ETV7: variants seen among roughly 807,000 people sequenced by gnomAD.
The protein encoded by ETV7 is ETS variant transcription factor 7, also known as transcription factor ETV7.
Under a neutral mutation model 39.1 loss-of-function variants are expected in ETV7, and 43 were observed. That is an observed-to-expected ratio of 1.10 (90% CI 0.86 to 1.42). The LOEUF (loss-of-function observed/expected upper bound fraction) is 1.42, where lower values mean the gene tolerates loss of function less well. Among genes scored for constraint, ETV7 ranks in the 40% most tolerant of loss-of-function variants. The pLI is 0.00. For missense variants in ETV7, 432 were observed against 442.3 expected, an observed-to-expected ratio of 0.98 and a Z score of 0.21; for synonymous variants, 196 against 176.6, an observed-to-expected ratio of 1.11 and a Z score of -0.87.
intron 6 of ETV7, among the ~76,000 whole-genome samples, chr6:36,368,595 G>C (rs774137509): frequency 2.6e-5 from 4 of 152,172 alleles, no homozygotes; most frequent in Non-Finnish European, 4.4e-5. Flanking sequence ...CTGAGACCTG[G>C]GTTTCTGTCC....
intron 3 of ETV7, among the ~76,000 whole-genome samples, chr6:36,374,940 G>C (rs1260360834): frequency 6.6e-6 from 1 of 152,078 alleles, no homozygotes; most frequent in Non-Finnish European, 1.5e-5. Flanking sequence ...GTGGTGGCAG[G>C]CGCCTGTAAT....
intron 1 of ETV7, 39 bp from the exon 2 acceptor site, chr6:36,385,708 CT>C (rs1384108424): frequency 6.4e-7 from 1 of 1,563,932 alleles, no homozygotes; most frequent in Non-Finnish European, 8.6e-7. Context: ...AGAAGAGCAT[CT>C]TGGTGAAGGC....
At chr6:36,362,890 A>C (rs1004594731), downstream of ETV7, among the ~76,000 whole-genome samples, 15 of 152,278 alleles carry the variant, frequency 9.9e-5, no homozygotes, top group African/African-American at 3.6e-4. Context: ...GGCAAACACC[A>C]CTTATAACTG....
intron 1 of ETV7, 107 bp from the exon 2 acceptor site, chr6:36,385,776 C>T: frequency 8.4e-7 from 1 of 1,195,456 alleles, no homozygotes; most frequent in Non-Finnish European, 1.2e-6. Context: ...TGTTTATCTC[C>T]ACCAGAAGAC....
At position 36,368,576 on chromosome 6, in the gene ETV7, C is replaced by T. The variant is rs147192206; in HGVS notation, c.807+353G>A. ...TTTCCAGCCCTGACATCAGATGCTCCTGTTGGGCCTGAGACCTGGGTTTCT... is the reference window on the plus strand; with the variant it reads ...TTTCCAGCCCTGACATCAGATGCTCTTGTTGGGCCTGAGACCTGGGTTTCT... On this transcript the variant is annotated intron_variant, in intron 6 of 7. Transcript: ENST00000340181. Among the ~76,000 whole-genome samples, 6 of 152,318 alleles carry T rather than the reference C, an allele frequency of 3.9e-5. No homozygotes were observed. In the East Asian group the frequency reaches 1.2e-3, roughly 29 times the overall value.
chr6:36,361,960 G>A (rs1394574096), downstream of ETV7, among the ~76,000 whole-genome samples: 1 of 151,924 alleles, frequency 6.6e-6, no homozygotes, highest in Non-Finnish European at 1.5e-5. Context: ...GTCGAGACCA[G>A]CCTGACCAAC....
chr6:36,367,576 A>T (rs1772795340), intron 6 of ETV7, among the ~76,000 whole-genome samples: 1 of 152,160 alleles, frequency 6.6e-6, no homozygotes, highest in African/African-American at 2.4e-5. Flanking sequence ...TAAACAGCAA[A>T]TGTCACAACA....
At chr6:36,366,113 G>T, downstream of ETV7, 1 of 858,676 alleles carries the variant, frequency 1.2e-6, no homozygotes, top group Non-Finnish European at 1.4e-6. Context: ...GGCGGAAGTT[G>T]CAGTGAGCCG....
rs991803902 is a variant in ETV7 at position 36,373,568 on chromosome 6, C to A, written c.318G>T (p.Leu106=). ...RHRAPSSGDV[L]YELLQYIKTQ... ...TCTTGATGTACTGGAGCAGCTCATACAGGACGTCACCTGGAGGTGGGTGGG... is the reference window on the plus strand; with the variant it reads ...TCTTGATGTACTGGAGCAGCTCATAAAGGACGTCACCTGGAGGTGGGTGGG... Residue 106 remains leucine, a synonymous_variant, in exon 4 of 8, where the codon CTG becomes CTT. Transcript: ENST00000340181. 7 of 1,483,866 alleles carry A rather than the reference C, an allele frequency of 4.7e-6. No homozygotes were observed. The highest frequency in any genetic ancestry group is 5.4e-6 in the Non-Finnish European group (6 of 1,112,950). 91.9% of individuals were successfully genotyped at this position (1,483,866 alleles called of 1,614,324 possible).
At chr6:36,372,697 C>T (rs1773092450) in intron 4 of ETV7, among the ~76,000 whole-genome samples, 1 of 125,718 alleles carries the variant, frequency 8.0e-6, no homozygotes, top group African/African-American at 3.1e-5. Context: ...GTTTGTGGGG[C>T]TGGGGAAGAC....
downstream of ETV7, among the ~76,000 whole-genome samples, chr6:36,361,231 G>A (rs764496986): frequency 4.6e-5 from 7 of 152,166 alleles, no homozygotes; most frequent in African/African-American, 1.7e-4. Context: ...AGTTCCCACC[G>A]AGGTCCTTTG....
chr6:36,362,999 G>GCTGGGCCATGTGAT (rs1482457080), downstream of ETV7, among the ~76,000 whole-genome samples: 2 of 152,328 alleles, frequency 1.3e-5, no homozygotes, highest in East Asian at 3.9e-4. Context: ...AAGAAGCTGG[G>GCTGGGCCATGTGAT]CTGGGCCATG....
intron 2 of ETV7, among the ~76,000 whole-genome samples, chr6:36,376,904 T>C (rs1377200522): frequency 6.6e-6 from 1 of 152,172 alleles, no homozygotes; most frequent in Non-Finnish European, 1.5e-5. Context: ...TGTCTGGCTA[T>C]TGAACTTTTC....
downstream of ETV7, among the ~76,000 whole-genome samples, chr6:36,364,547 G>A (rs992575027): frequency 2.6e-5 from 4 of 152,248 alleles, no homozygotes; most frequent in South Asian, 6.2e-4. Flanking sequence ...CCAAGCCCAC[G>A]CTCACCCGAA....
In ETV7 at chr6:36,385,523, C is replaced by T. The variant is rs1255726773; in HGVS notation, c.142+11G>A. The T allele has an allele frequency of 1.9e-6, 3 of 1,614,062 alleles. No individual in the cohort carries two copies. Among genetic ancestry groups the T allele is most frequent in the African/African-American group, 2.7e-5 (2 of 74,902 alleles). On this transcript the variant is annotated intron_variant, in intron 2 of 7. Coordinates refer to ENST00000340181, the MANE Select transcript of ETV7 (RefSeq NM_016135.4). ...TTTAAAAACTCAGCTTTTCTCCTCC[C>T]CTCTACTTACGGAGTCTTCCTGGCA...
chr6:36,376,010 C>T lies in ETV7; in HGVS notation c.168G>A (p.Arg56=). ...RLRIQPALWS[R]EDVLHWLRWA... is the part of the protein sequence containing the mutation. ...AGCGCAGCCAGTGCAGCACGTCCTC[C>T]CTGCTCCACAGTGCGGGCTGGATGC... Residue 56 remains arginine, a synonymous_variant, in exon 3 of 8, where the codon AGG becomes AGA. Transcript: ENST00000340181. 6.2e-7 allele frequency: 1 copy of T among 1,608,058 alleles called. No individual in the cohort carries two copies. Among genetic ancestry groups the T allele is most frequent in the Non-Finnish European group, 8.5e-7 (1 of 1,179,710 alleles).
In ETV7 at chr6:36,360,126, C is replaced by T. The variant is rs1772448307; in HGVS notation, c.909-5439G>A. ...CAGGATGGTCTCGATTTCTTGACCT[C>T]GTAATCCGCCCGCCTCGGCCTCCCA... On this transcript the variant is annotated intron_variant, in intron 7 of 7. Coordinates refer to the ETV7 transcript ENST00000339796. Among the ~76,000 whole-genome samples the T allele has an allele frequency of 2.6e-5, 4 of 152,096 alleles. No individual in the cohort carries two copies. The South Asian group carries it at 6.2e-4, about 24-fold the overall frequency.
At chr6:36,369,118 T>G (rs1401529511) in intron 5 of ETV7, 47 bp from the exon 6 acceptor site, 1 of 1,610,244 alleles carries the variant, frequency 6.2e-7, no homozygotes, top group Non-Finnish European at 8.5e-7. Context: ...TTACTGGAGC[T>G]GTGAGGACAG....
intron 7 of ETV7, among the ~76,000 whole-genome samples, chr6:36,355,286 G>A (rs1772307329): frequency 6.6e-6 from 1 of 152,102 alleles, no homozygotes; most frequent in Non-Finnish European, 1.5e-5. Flanking sequence ...ATATTTTTAT[G>A]ATAAGACACT....
Sources: gnomAD v4.1 joint callset for allele counts (sites outside exome capture counted in the v4.1 genomes callset) on GRCh38, gnomAD v4.1.1 for gene constraint, MANE v1.5 for transcripts, NCBI Gene and HGNC (gene_info 2026-07-23, HGNC 2026-07-21) for gene names.